ATF7: variants seen among roughly 807,000 people sequenced by gnomAD.
ATF7 encodes cyclic AMP-dependent transcription factor ATF-7.
Under a neutral mutation model 50.4 loss-of-function variants are expected in ATF7, and 10 were observed. The observed-to-expected ratio is 0.20, with a 90% CI of 0.12 to 0.34. The LOEUF (loss-of-function observed/expected upper bound fraction) is 0.34, where lower values mean the gene tolerates loss of function less well. ATF7 is among the 10% of genes least tolerant of loss of function. The pLI is 1.00. For missense variants in ATF7, 465 were observed against 613.9 expected, an observed-to-expected ratio of 0.76 and a Z score of 2.56; for synonymous variants, 201 against 226.4, an observed-to-expected ratio of 0.89 and a Z score of 1.01.
At chr12:53,522,993 C>T (rs931609288) in intron 11 of ATF7, among the ~76,000 whole-genome samples, 3 of 152,230 alleles carry the variant, frequency 2.0e-5, no homozygotes, top group Non-Finnish European at 2.9e-5. Context: ...TAGATAATAT[C>T]CATTTCATGA....
chr12:53,534,077 A>T (rs1317644983), intron 6 of ATF7, among the ~76,000 whole-genome samples: 1 of 152,212 alleles, frequency 6.6e-6, no homozygotes, highest in Non-Finnish European at 1.5e-5. Context: ...GGAGATCGAG[A>T]TCGTCCTGGC....
chr12:53,554,331 A>G (rs12811226), intron 2 of ATF7, among the ~76,000 whole-genome samples: 5 of 151,116 alleles, frequency 3.3e-5, no homozygotes, highest in African/African-American at 7.3e-5. Context: ...GGGTTTCACC[A>G]TATTGGTCAG....
intron 4 of ATF7, among the ~76,000 whole-genome samples, chr12:53,538,704 T>C (rs1344378210): frequency 6.6e-6 from 1 of 152,182 alleles, no homozygotes; most frequent in East Asian, 1.9e-4. Flanking sequence ...CCCAGGCTTC[T>C]TGGTGAAGCA....
At chr12:53,531,520 G>A (rs1265508111) in intron 9 of ATF7, among the ~76,000 whole-genome samples, 1 of 151,930 alleles carries the variant, frequency 6.6e-6, no homozygotes, top group African/African-American at 2.4e-5. Context: ...AAAGAATGGT[G>A]TGTTTTTGTT....
intron 8 of ATF7, among the ~76,000 whole-genome samples, chr12:53,532,248 C>G (rs1253228741): frequency 6.6e-6 from 1 of 152,170 alleles, no homozygotes; most frequent in African/African-American, 2.4e-5. Flanking sequence ...CCATCTGTCA[C>G]CCTAAAACGG....
intron 2 of ATF7, among the ~76,000 whole-genome samples, chr12:53,576,773 G>C (rs1042059324): frequency 2.0e-5 from 3 of 152,154 alleles, no homozygotes; most frequent in African/African-American, 7.2e-5. Context: ...GAAGAATCCC[G>C]ACCAGGCACG....
intron 2 of ATF7, among the ~76,000 whole-genome samples, chr12:53,580,436 G>A (rs1317501528): frequency 7.3e-5 from 11 of 150,742 alleles, no homozygotes; most frequent in Middle Eastern, 3.2e-3. Context: ...AGGCCAAGGC[G>A]GGTAGATCAC....
chr12:53,530,793 G>A (rs891879723), intron 9 of ATF7, among the ~76,000 whole-genome samples: 1 of 151,946 alleles, frequency 6.6e-6, no homozygotes, highest in African/African-American at 2.4e-5. Flanking sequence ...ATTTTTAGTA[G>A]AGACAGGGTT....
intron 8 of ATF7, 145 bp downstream of exon 8, chr12:53,532,363 CTT>C: frequency 1.6e-6 from 1 of 623,612 alleles, no homozygotes; most frequent in Non-Finnish European, 2.8e-6. Context: ...GAATTGGAGT[CTT>C]TTCTTTTCCA....
chr12:53,549,567 C>T (rs1235419065), intron 3 of ATF7, among the ~76,000 whole-genome samples: 3 of 151,938 alleles, frequency 2.0e-5, no homozygotes, highest in Non-Finnish European at 4.4e-5. Flanking sequence ...CCATGCCAGG[C>T]TAATTTTGTA....
At chr12:53,595,167 T>C (rs1943103288) in intron 2 of ATF7, among the ~76,000 whole-genome samples, 1 of 152,190 alleles carries the variant, frequency 6.6e-6, no homozygotes, top group Non-Finnish European at 1.5e-5. Flanking sequence ...ATTAGAATTT[T>C]AAAAAACTCT....
chr12:53,578,586 A>T (rs544828514), intron 2 of ATF7, among the ~76,000 whole-genome samples: 85 of 152,002 alleles, frequency 5.6e-4, no homozygotes, highest in South Asian at 1.2e-3. Flanking sequence ...GTTTGAGATC[A>T]GCCTGGGCAA....
chr12:53,581,591 A>G (rs1942427344), intron 2 of ATF7, among the ~76,000 whole-genome samples: 1 of 152,188 alleles, frequency 6.6e-6, no homozygotes, highest in South Asian at 2.1e-4. Flanking sequence ...TAAATAATAC[A>G]TGAAGCAAAA....
At chr12:53,552,271 AAGACGGTAAT>A (rs536851898) in intron 3 of ATF7, among the ~76,000 whole-genome samples, 268 of 152,336 alleles carry the variant, frequency 1.8e-3, no homozygotes, top group African/African-American at 6.1e-3. Context: ...AATAGAAAGA[AAGACGGTAAT>A]AGACCGAAAA....
intron 1 of ATF7, among the ~76,000 whole-genome samples, chr12:53,620,923 G>A (rs961256974): frequency 5.3e-5 from 8 of 152,086 alleles, no homozygotes; most frequent in African/African-American, 1.9e-4. Flanking sequence ...TAAAATGTGG[G>A]GCAAGGGAGG....
At chr12:53,546,191 T>TAAAAAAAA in intron 3 of ATF7, among the ~76,000 whole-genome samples, 1 of 148,670 alleles carries the variant, frequency 6.7e-6, no homozygotes, top group African/African-American at 2.6e-5. Flanking sequence ...AAACTCCATC[T>TAAAAAAAA]CAAAAAAACA....
intron 2 of ATF7, among the ~76,000 whole-genome samples, chr12:53,554,410 C>A (rs1940580144): frequency 6.6e-6 from 1 of 151,378 alleles, no homozygotes; most frequent in South Asian, 2.1e-4. Flanking sequence ...GTATTACAGG[C>A]ATGAGCCACC....
chr12:53,620,875 G>A (rs1419435002), intron 1 of ATF7, among the ~76,000 whole-genome samples: 3 of 150,826 alleles, frequency 2.0e-5, no homozygotes, highest in Non-Finnish European at 4.4e-5. Context: ...AAAAAAAACA[G>A]GACTAGAAGT....
At chr12:53,539,325 T>C (rs1939399370) in intron 4 of ATF7, among the ~76,000 whole-genome samples, 1 of 152,210 alleles carries the variant, frequency 6.6e-6, no homozygotes, top group Non-Finnish European at 1.5e-5. Context: ...ATGCCTGTAA[T>C]CTCAACACTT....
Sources: allele counts gnomAD v4.1 joint callset (sites outside exome capture counted in the v4.1 genomes callset), GRCh38; gene constraint gnomAD v4.1.1; transcripts MANE v1.5; gene names NCBI Gene and HGNC (gene_info 2026-07-23, HGNC 2026-07-21).